The following SASH1 variants were observed in gnomAD, a reference collection of about 807,000 sequenced individuals.
The protein encoded by SASH1 is SAM and SH3 domain containing 1.
In SASH1, 44 loss-of-function variants were observed where a neutral mutation model predicts 125.2. The ratio of observed to expected loss-of-function variants is 0.35; its 90% CI spans 0.28 to 0.45. The LOEUF is 0.45. Ranked by LOEUF, SASH1 falls within the 20% of genes least tolerant of loss-of-function variation. SASH1 has a pLI of 1.00. For synonymous variants in SASH1, 639 were observed against 649.1 expected (o/e 0.98, Z 0.24); for missense variants, 1,426 against 1,614.5 (o/e 0.88, Z 2.00).
At chr6:148,399,214 CTTTTTTT>C (rs371374910) in intron 2 of SASH1, among the ~76,000 whole-genome samples, 18 of 106,674 alleles carry the variant, frequency 1.7e-4, no homozygotes, top group African/African-American at 3.7e-4. Context: ...ATTTCAGCTT[CTTTTTTT>C]TTTTTTTTTT....
At chr6:148,476,909 C>T (rs778047819) in intron 7 of SASH1, among the ~76,000 whole-genome samples, 4 of 152,100 alleles carry the variant, frequency 2.6e-5, no homozygotes, top group Non-Finnish European at 5.9e-5. Flanking sequence ...GAAATAAACC[C>T]GTGCATCTGC....
At chr6:148,531,423 A>G in intron 12 of SASH1, 103 bp from the exon 13 acceptor site, 2 of 1,010,326 alleles carry the variant, frequency 2.0e-6, no homozygotes, top group Non-Finnish European at 2.8e-6. Context: ...ATATAGGTAT[A>G]GATTGATTTG....
chr6:148,513,157 GA>G, intron 8 of SASH1: 1 of 985,438 alleles, frequency 1.0e-6, no homozygotes, highest in Non-Finnish European at 1.2e-6. Flanking sequence ...GGATTAGTGA[GA>G]GCTTTTCTTT....
At chr6:148,335,464 CA>C (rs534202487) in intron 1 of SASH1, among the ~76,000 whole-genome samples, 12,209 of 79,926 alleles carry the variant, frequency 0.15, 279 homozygotes, top group Non-Finnish European at 0.18. Flanking sequence ...GACTCTGTCT[CA>C]AAAAAAAAAA....
chr6:148,437,541 C>T (rs1776342771), intron 2 of SASH1, among the ~76,000 whole-genome samples: 1 of 152,110 alleles, frequency 6.6e-6, no homozygotes, highest in Non-Finnish European at 1.5e-5. Flanking sequence ...AACTATAGCC[C>T]CAATCAATTT....
chr6:148,338,554 G>A (rs2114619357), upstream of SASH1, among the ~76,000 whole-genome samples: 1 of 152,276 alleles, frequency 6.6e-6, no homozygotes, highest in East Asian at 1.9e-4. Context: ...GTAAAATGAA[G>A]GATTTGACCT....
At chr6:148,213,288 C>A in the SASH1 span, among the ~76,000 whole-genome samples, 1 of 152,132 alleles carries the variant, frequency 6.6e-6, no homozygotes. Context: ...GAAACCTCCA[C>A]AGACTAAATT....
In SASH1 at chr6:148,319,022, CTTTTTTTTTTTT is replaced by C. The variant is rs10695657; in HGVS notation, n.74+46662_74+46673del. ...ATATGGAAGAAGCCGCATTTATCTT[CTTTTTTTTTTTT>C]TTTTTTTTTTTTTTTTGAGACGGAG... is the stretch of plus-strand genomic sequence containing the variant. On this transcript the variant is annotated intron_variant and non_coding_transcript_variant, in intron 1 of 3. Coordinates refer to the SASH1 transcript ENST00000367469. 3.3e-4 allele frequency among the ~76,000 whole-genome samples: 22 copies of C among 66,684 alleles called. No homozygotes were observed. The East Asian group carries it at 4.3e-3, about 13-fold the overall frequency. 43.7% of individuals were successfully genotyped at this position (66,684 alleles called of 152,430 possible).
the SASH1 span, among the ~76,000 whole-genome samples, chr6:148,212,160 T>C: frequency 1.3e-5 from 2 of 152,148 alleles, no homozygotes; most frequent in South Asian, 4.2e-4. Context: ...GCCCAGGGAA[T>C]TGGGAGTTTA....
chr6:148,383,820 T>C (rs886399874), intron 1 of SASH1, among the ~76,000 whole-genome samples: 1 of 152,178 alleles, frequency 6.6e-6, no homozygotes, highest in Non-Finnish European at 1.5e-5. Flanking sequence ...GTGAAACCGA[T>C]TGTTGAGGAA....
At chr6:148,531,194 A>G (rs936702289) in intron 12 of SASH1, among the ~76,000 whole-genome samples, 3 of 152,162 alleles carry the variant, frequency 2.0e-5, no homozygotes, top group Admixed American at 1.3e-4. Flanking sequence ...TTTGAAGTCC[A>G]GCCTTGCTAC....
intron 11 of SASH1, among the ~76,000 whole-genome samples, chr6:148,526,558 A>T (rs571179339): frequency 9.2e-5 from 14 of 152,370 alleles, no homozygotes; most frequent in African/African-American, 3.4e-4. Context: ...ATTGATTCTT[A>T]AGCCAATAGT....
chr6:148,327,422 C>T (rs1044590414), intron 1 of SASH1, among the ~76,000 whole-genome samples: 2 of 151,332 alleles, frequency 1.3e-5, no homozygotes, highest in Non-Finnish European at 2.9e-5. Flanking sequence ...GTAGCTGGGA[C>T]CATAGGCGCC....
the SASH1 span, among the ~76,000 whole-genome samples, chr6:148,220,062 T>C: frequency 6.6e-6 from 1 of 152,224 alleles, no homozygotes; most frequent in African/African-American, 2.4e-5. Flanking sequence ...CCAGTAATTC[T>C]TCTCATTTTG....
In SASH1 at chr6:148,343,234, T is replaced by G. The variant is rs763116797; in HGVS notation, c.156+11T>G. The G allele has an allele frequency of 6.3e-7, 1 of 1,583,010 alleles. No homozygotes were observed. The highest frequency in any genetic ancestry group is 1.1e-5 in the South Asian group (1 of 89,472). On this transcript the variant is annotated intron_variant, in intron 1 of 19. Coordinates refer to ENST00000367467, the MANE Select transcript of SASH1 (RefSeq NM_015278.5). ...GTGATGGGTATCCTGGTAAGTTACC[T>G]GGGGAGGGGGCGGCGCAGGAAGTAC...
rs533899603 is a variant in SASH1, at chr6:148,513,539, C to A, written c.730-785C>A. The A allele has an allele frequency of 1.6e-5, 16 of 985,488 alleles. No individual in the cohort carries two copies. In the African/African-American group the frequency reaches 2.6e-4, roughly 16 times the overall value. 61.0% of individuals were successfully genotyped at this position (985,488 alleles called of 1,614,324 possible). A position where few individuals can be genotyped will look rare whatever the true frequency, so the allele number is the denominator to read the frequency against. On this transcript the variant is annotated intron_variant, in intron 8 of 19. Coordinates refer to ENST00000367467, the MANE Select transcript of SASH1 (RefSeq NM_015278.5). The stretch of plus-strand genomic sequence containing the variant: ...GGATTGTTTTTAGCCTGGGTCACTG[C>A]TGCAGAGAGAGATATTTTTCCCTCT...
chr6:148,197,412 C>T, the SASH1 span, among the ~76,000 whole-genome samples: 1 of 152,168 alleles, frequency 6.6e-6, no homozygotes, highest in East Asian at 1.9e-4. Flanking sequence ...AATTATTTTC[C>T]ATAGATTTAT....
At chr6:148,332,739 C>T (rs1253797000) in intron 1 of SASH1, among the ~76,000 whole-genome samples, 3 of 152,074 alleles carry the variant, frequency 2.0e-5, no homozygotes, top group South Asian at 2.1e-4. Flanking sequence ...GTAATTCCAG[C>T]GCTTTGGGAG....
At chr6:148,218,347 C>G in the SASH1 span, among the ~76,000 whole-genome samples, 16 of 152,284 alleles carry the variant, frequency 1.1e-4, no homozygotes, top group Middle Eastern at 3.4e-3. Context: ...AAGACCCCAA[C>G]CCAAAAACAT....
Sources: allele counts gnomAD v4.1 joint callset (sites outside exome capture counted in the v4.1 genomes callset), GRCh38; gene constraint gnomAD v4.1.1; transcripts MANE v1.5; gene names NCBI Gene and HGNC (gene_info 2026-07-23, HGNC 2026-07-21).